Variants in LRRC46 observed in about 807,000 individuals in gnomAD.
LRRC46 encodes the protein leucine-rich repeat-containing protein 46.
A neutral mutation model predicts 28.0 loss-of-function variants in LRRC46; 20 were observed. That is an observed-to-expected ratio of 0.71 (90% CI 0.50 to 1.04). The LOEUF is 1.04. Among genes scored for constraint, LRRC46 ranks in the 50% least tolerant of loss-of-function variants. The pLI is 0.00. For synonymous variants in LRRC46, 156 were observed against 158.8 expected (o/e 0.98, Z 0.13); for missense variants, 315 against 390.1 (o/e 0.81, Z 1.62).
intron 3 of LRRC46, chr17:47,834,745 A>G: frequency 4.4e-6 from 2 of 453,270 alleles, no homozygotes; most frequent in Admixed American, 8.0e-5. Flanking sequence ...TGCTCCTTCC[A>G]CTGTTCTTTA....
At position 47,834,483 on chromosome 17, in the gene LRRC46, A is replaced by G. The variant is rs1347581826; in HGVS notation, c.175A>G (p.Ile59Val). 1.2e-6 allele frequency: 2 copies of G among 1,613,734 alleles called. No homozygotes were observed. The highest frequency in any genetic ancestry group is 1.7e-6 in the Non-Finnish European group (2 of 1,179,820). ...CCTGGACCGGGAGGGGATTACTACT[A>G]TCAGGAACTTAGAAGGCCTCCAGAA... is the stretch of plus-strand genomic sequence containing the variant. ...VRLDREGITT[I>V]RNLEGLQNLH... Residue 59 changes from isoleucine to valine, a missense_variant, in exon 3 of 8, where the codon ATC (isoleucine) becomes GTC (valine). Coordinates refer to ENST00000269025, the MANE Select transcript of LRRC46 (RefSeq NM_033413.4).
chr17:47,832,363 T>G (rs972946810), intron 2 of LRRC46, among the ~76,000 whole-genome samples, 158 bp downstream of exon 2: 1 of 152,214 alleles, frequency 6.6e-6, no homozygotes, highest in African/African-American at 2.4e-5. Context: ...TTCTTCAAAA[T>G]AATTCCATTT....
chr17:47,837,033 G>A lies in LRRC46; in HGVS notation c.879G>A (p.Lys293=). The A allele has an allele frequency of 6.2e-7, 1 of 1,610,548 alleles. No homozygotes were observed. The part of the protein sequence containing the change: ...RGHQSSFWGR[K]GARAATAPKA... ...ACCAAAGCTCTTTCTGGGGAAGGAA[G>A]GGGGCACGAGCAGCCACAGCCCCCA... is the stretch of plus-strand genomic sequence containing the variant. The change falls in exon 8 of 8, where the codon AAG becomes AAA. Residue 293 remains lysine, a synonymous_variant. Coordinates refer to ENST00000269025, the MANE Select transcript of LRRC46 (RefSeq NM_033413.4).
At chr17:47,833,227 T>A (rs1317752312) in intron 2 of LRRC46, among the ~76,000 whole-genome samples, 2 of 152,116 alleles carry the variant, frequency 1.3e-5, no homozygotes, top group African/African-American at 4.8e-5. Flanking sequence ...TAGGAAGCAT[T>A]CCCTGATTCC....
Position 47,832,205 on chromosome 17 carries a change from T to C in LRRC46, c.116T>C (p.Met39Thr), listed in dbSNP as rs146752078. Reference sequence around the variant, plus strand: ...GAAGATGGGGAACTGTCAGAGAAGATGTGAGTGCATGGGGGAGAAAAGGGG... The same window carrying C: ...GAAGATGGGGAACTGTCAGAGAAGACGTGAGTGCATGGGGGAGAAAAGGGG... The part of the protein sequence containing the change: ...FPEDGELSEK[M>T]FHTLDELQTV... The change falls in exon 2 of 8, where the codon ATG becomes ACG. Residue 39 changes from methionine to threonine, a missense_variant and splice_region_variant. Transcript: ENST00000269025. The C allele has an allele frequency of 8.9e-6, 14 of 1,581,596 alleles. No homozygotes were observed. The highest frequency in any genetic ancestry group is 1.2e-5 in the Non-Finnish European group (14 of 1,161,598).
chr17:47,832,944 A>G (rs572174769), intron 2 of LRRC46, among the ~76,000 whole-genome samples: 23 of 152,220 alleles, frequency 1.5e-4, no homozygotes, highest in African/African-American at 4.8e-4. Flanking sequence ...ACAATTTCCC[A>G]CACTGTGTAC....
chr17:47,835,873 T>C, intron 5 of LRRC46, 98 bp downstream of exon 5: 1 of 1,327,286 alleles, frequency 7.5e-7, no homozygotes. Context: ...GCCATGCCCC[T>C]GCAGGTCCAC....
rs1414095527 is a variant in LRRC46, at chr17:47,837,133, C to A, written c.*13C>A. ...AAGCAAGAAATGATTCTCTGTCAAC[C>A]TTTCTCTACTAGTGGAGAGGAGTGG... On this transcript the variant is annotated 3_prime_UTR_variant, in exon 8 of 8. Coordinates refer to ENST00000269025, the MANE Select transcript of LRRC46 (RefSeq NM_033413.4). 1.3e-6 allele frequency: 2 copies of A among 1,598,938 alleles called. No homozygotes were observed. The highest frequency in any genetic ancestry group is 1.7e-6 in the Non-Finnish European group (2 of 1,176,444).
Position 47,837,199 on chromosome 17 carries a change from C to G in LRRC46, c.*79C>G. The G allele has an allele frequency of 6.4e-7, 1 of 1,550,862 alleles. No homozygotes were observed. The highest frequency in any genetic ancestry group is 8.7e-7 in the Non-Finnish European group (1 of 1,153,744). The stretch of plus-strand genomic sequence containing the variant: ...TCAGACCTCTGACCTGTGACAGAAG[C>G]CCATCCCCAGTAAAGTGTCTCTAGG... On this transcript the variant is annotated 3_prime_UTR_variant, in exon 8 of 8. Coordinates refer to ENST00000269025, the MANE Select transcript of LRRC46 (RefSeq NM_033413.4).
In LRRC46 at chr17:47,831,899, G is replaced by A. The variant is rs2033638311; in HGVS notation, c.-91G>A. The A allele has an allele frequency of 1.3e-6, 2 of 1,547,032 alleles. No individual in the cohort carries two copies. The highest frequency in any genetic ancestry group is 1.8e-6 in the Non-Finnish European group (2 of 1,124,202). ...AGTCTCTGAGTTTCTCTCTCCTCCTGCCATCCTGAGTTCTGCCATCCTTAG... is the reference window on the plus strand; with the variant it reads ...AGTCTCTGAGTTTCTCTCTCCTCCTACCATCCTGAGTTCTGCCATCCTTAG... On this transcript the variant is annotated 5_prime_UTR_variant, in exon 1 of 8. Transcript: ENST00000269025.
chr17:47,832,379 T>A (rs918439254), intron 2 of LRRC46, among the ~76,000 whole-genome samples, 174 bp downstream of exon 2: 4 of 152,208 alleles, frequency 2.6e-5, no homozygotes, highest in Non-Finnish European at 5.9e-5. Context: ...CATTTCTTTT[T>A]CACCATCCTC....
Position 47,837,390 on chromosome 17 carries a change from C to T in LRRC46, c.*270C>T, listed in dbSNP as rs1294517544. Reference sequence around the variant, plus strand: ...CAGGCATGCCTCAGGCCCCCGCTGGCTTCCTGGCTCCCACTTGGGCAGGAA... The same window carrying T: ...CAGGCATGCCTCAGGCCCCCGCTGGTTTCCTGGCTCCCACTTGGGCAGGAA... On this transcript the variant is annotated 3_prime_UTR_variant, in exon 8 of 8. Transcript: ENST00000269025. The T allele has an allele frequency of 8.4e-6, 4 of 476,214 alleles. No individual in the cohort carries two copies. Among genetic ancestry groups the T allele is most frequent in the Non-Finnish European group, 1.5e-5 (4 of 274,490 alleles). The allele number at this position is 476,214 out of a possible 1,614,324, so 29.5% of individuals were successfully genotyped here. A position where few individuals can be genotyped will look rare whatever the true frequency, so the allele number is the denominator to read the frequency against.
chr17:47,834,370 C>A, intron 2 of LRRC46, 55 bp from the exon 3 acceptor site: 1 of 1,304,786 alleles, frequency 7.7e-7, no homozygotes, highest in Non-Finnish European at 1.1e-6. Context: ...ATCCTCCCTG[C>A]TAAGAGACCA....
At chr17:47,834,793 A>ACTCT (rs1417077279) in intron 3 of LRRC46, 1 of 336,964 alleles carries the variant, frequency 3.0e-6, no homozygotes, top group Non-Finnish European at 5.4e-6. Flanking sequence ...TTTGGCATCT[A>ACTCT]CTCTAAATCT....
At position 47,837,635 on chromosome 17, in the gene LRRC46, T is replaced by C. The variant is rs1267724472; in HGVS notation, c.*515T>C. The C allele has an allele frequency of 3.3e-6, 2 of 611,366 alleles. No homozygotes were observed. The highest frequency in any genetic ancestry group is 4.7e-5 in the South Asian group (2 of 42,588). The allele number at this position is 611,366 out of a possible 1,614,324, so 37.9% of individuals were successfully genotyped here. ...CCCCGCAGCCAGCCCACAGCTGCCT[T>C]TGGGCCTCACTTGGCTCTCCCACCC... On this transcript the variant is annotated 3_prime_UTR_variant, in exon 8 of 8. Coordinates refer to ENST00000269025, the MANE Select transcript of LRRC46 (RefSeq NM_033413.4).
In LRRC46 at chr17:47,836,643, C is replaced by T; in HGVS notation, c.596-107C>T. 1 of 1,511,178 alleles carries T rather than the reference C, an allele frequency of 6.6e-7. No individual in the cohort carries two copies. The highest frequency in any genetic ancestry group is 8.9e-7 in the Non-Finnish European group (1 of 1,126,214). 93.6% of individuals were successfully genotyped at this position (1,511,178 alleles called of 1,614,324 possible). ...CCTGGGCCCCAGCCTCAGGCTCCTT[C>T]CCACAAGGGACAAGGGGCCAGCCAG... On this transcript the variant is annotated intron_variant, in intron 7 of 7. Coordinates refer to ENST00000269025, the MANE Select transcript of LRRC46 (RefSeq NM_033413.4). The surrounding 1 kb of genome is among the most constrained non-coding windows in gnomAD (Gnocchi z 5.8).
At chr17:47,835,321 C>A (rs1272987879) in intron 3 of LRRC46, 32 bp from the exon 4 acceptor site, 1 of 1,613,354 alleles carries the variant, frequency 6.2e-7, no homozygotes, top group Non-Finnish European at 8.5e-7. Flanking sequence ...CTGATCTCAG[C>A]TTGGTTTCCC....
In LRRC46 at chr17:47,835,329, C is replaced by T. The variant is rs2033680627; in HGVS notation, c.226-24C>T. The T allele has an allele frequency of 2.5e-6, 4 of 1,614,060 alleles. No individual in the cohort carries two copies. The East Asian group carries it at 8.9e-5, about 36-fold the overall frequency. ...GACGCATCTGATCTCAGCTTGGTTT[C>T]CCCACTTCGGTTTCTTCTTGCAGAA... On this transcript the variant is annotated intron_variant, in intron 3 of 7. Transcript: ENST00000269025.
In LRRC46 at chr17:47,837,669, C is replaced by T. The variant is rs909267386; in HGVS notation, c.*549C>T. On this transcript the variant is annotated 3_prime_UTR_variant, in exon 8 of 8. Coordinates refer to ENST00000269025, the MANE Select transcript of LRRC46 (RefSeq NM_033413.4). ...ACTTGGCTCTCCCACCCCCACTGGT[C>T]CTGGGATAAAGTTCACTGAAGAGAA... 1.8e-5 allele frequency: 15 copies of T among 828,606 alleles called. No individual in the cohort carries two copies. Among genetic ancestry groups the T allele is most frequent in the Non-Finnish European group, 2.1e-5 (12 of 569,194 alleles). 51.3% of individuals were successfully genotyped at this position (828,606 alleles called of 1,614,324 possible). A position where few individuals can be genotyped will look rare whatever the true frequency, so the allele number is the denominator to read the frequency against.
Sources: allele counts gnomAD v4.1 joint callset (sites outside exome capture counted in the v4.1 genomes callset), GRCh38; gene constraint gnomAD v4.1.1; non-coding constraint Gnocchi (gnomAD v3.1); transcripts MANE v1.5; gene names NCBI Gene and HGNC (gene_info 2026-07-23, HGNC 2026-07-21).